AGBL1: variants seen among roughly 807,000 people sequenced by gnomAD.
AGBL1 encodes AGBL carboxypeptidase 1, also known as cytosolic carboxypeptidase 4.
AGBL1 carries 130 observed loss-of-function variants against 118.9 expected under a neutral mutation model. The ratio of observed to expected loss-of-function variants is 1.09; its 90% confidence interval spans 0.95 to 1.26. AGBL1 has a LOEUF of 1.26. Among genes scored for constraint, AGBL1 ranks in the 50% most tolerant of loss-of-function variants. The pLI is 0.00. For synonymous variants in AGBL1, 555 were observed against 478.9 expected, an observed-to-expected ratio of 1.16 and a Z score of -2.08; for missense variants, 1,584 against 1,298.1, an observed-to-expected ratio of 1.22 and a Z score of -3.38.
At chr15:86,424,729 G>A (rs1170084384) in intron 18 of AGBL1, among the ~76,000 whole-genome samples, 1 of 152,174 alleles carries the variant, frequency 6.6e-6, no homozygotes, top group African/African-American at 2.4e-5. Flanking sequence ...AGTGGGCAAA[G>A]GATGTGAATA....
chr15:86,732,734 C>G (rs2077542481), intron 22 of AGBL1, among the ~76,000 whole-genome samples: 2 of 151,938 alleles, frequency 1.3e-5, no homozygotes, highest in Non-Finnish European at 2.9e-5. Context: ...AGCTGTGTGA[C>G]TTAGGTAAGC....
chr15:86,689,022 C>T (rs1031538146), intron 22 of AGBL1, among the ~76,000 whole-genome samples: 5 of 152,114 alleles, frequency 3.3e-5, no homozygotes, highest in African/African-American at 1.2e-4. Flanking sequence ...GCGAATTACT[C>T]GTGTTCTAAT....
chr15:86,913,569 C>T lies in AGBL1; in HGVS notation c.*6275C>T, dbSNP rs1170070463. The T allele has an allele frequency of 5.9e-5, 9 of 152,208 alleles. No homozygotes were observed. Among genetic ancestry groups the T allele is most frequent in the Admixed American group, 5.2e-4 (8 of 15,266 alleles). 9.4% of individuals were successfully genotyped at this position (152,208 alleles called of 1,614,324 possible). ...AACAGAGGAGAGCACTGACTGTTTA[C>T]AAGGCTGAAGCAGGCAAGGCGTGGT... On this transcript the variant is annotated 3_prime_UTR_variant, in exon 23 of 23. Coordinates refer to ENST00000614907, the MANE Select transcript of AGBL1 (RefSeq NM_001386094.1).
At chr15:86,916,413 TTGTGTG>T (rs1232064173), downstream of AGBL1, among the ~76,000 whole-genome samples, 1 of 151,852 alleles carries the variant, frequency 6.6e-6, no homozygotes, top group Non-Finnish European at 1.5e-5. Context: ...GTCCTGGACT[TTGTGTG>T]TGTGTGTTTG....
intron 18 of AGBL1, among the ~76,000 whole-genome samples, chr15:86,472,906 A>C (rs1198461715): frequency 6.6e-6 from 1 of 152,206 alleles, no homozygotes; most frequent in Non-Finnish European, 1.5e-5. Context: ...ATGACAGAGC[A>C]AGATTTCCAT....
intron 17 of AGBL1, among the ~76,000 whole-genome samples, chr15:86,337,455 C>G (rs886890263): frequency 5.9e-5 from 9 of 152,152 alleles, no homozygotes; most frequent in Non-Finnish European, 5.9e-5. Context: ...GGAATCAACT[C>G]AAATGCCCAT....
chr15:86,981,825 C>A (rs746428192), intron 23 of AGBL1, among the ~76,000 whole-genome samples: 47 of 152,268 alleles, frequency 3.1e-4, no homozygotes, highest in Non-Finnish European at 5.1e-4. Context: ...TCTAAACCAT[C>A]AGCTTTGTAA....
chr15:86,323,300 G>C (rs1437591366), intron 17 of AGBL1, among the ~76,000 whole-genome samples: 1 of 151,884 alleles, frequency 6.6e-6, no homozygotes, highest in Non-Finnish European at 1.5e-5. Flanking sequence ...TAGGGTGGCT[G>C]TGGGGATCAG....
intron 6 of AGBL1, among the ~76,000 whole-genome samples, chr15:86,243,656 T>A (rs954075550): frequency 1.8e-4 from 28 of 152,126 alleles, no homozygotes; most frequent in African/African-American, 6.7e-4. Flanking sequence ...GAGGTGTTAA[T>A]ACGAAAGACC....
chr15:86,763,348 A>G (rs1460149999), intron 22 of AGBL1, among the ~76,000 whole-genome samples: 1 of 152,044 alleles, frequency 6.6e-6, no homozygotes. Context: ...TTTAACTCAC[A>G]AAGTGGCTGA....
chr15:86,867,158 T>A lies in AGBL1; in HGVS notation c.3159-39929T>A, dbSNP rs139140790. ...TGTCAGGACTTAAGCTTTATCCTTT[T>A]CTTGGGGGTGGGGGAATTGTATTTC... is the stretch of plus-strand genomic sequence containing the variant. On this transcript the variant is annotated intron_variant, in intron 22 of 22. Coordinates refer to ENST00000614907, the MANE Select transcript of AGBL1 (RefSeq NM_001386094.1). Among the ~76,000 whole-genome samples the A allele has an allele frequency of 1.3e-3, 201 of 152,242 alleles. 1 individual carries two copies. The highest frequency in any genetic ancestry group is 4.7e-3 in the African/African-American group (194 of 41,556).
Position 86,207,905 on chromosome 15 carries a change from A to G in AGBL1, c.489-17009A>G, listed in dbSNP as rs140511884. ...TGTCTTGTGCCACTTTTCAAAGGGAATGCTTCCAGTTTTTTGCCCATTCAG... is the reference window on the plus strand; with the variant it reads ...TGTCTTGTGCCACTTTTCAAAGGGAGTGCTTCCAGTTTTTTGCCCATTCAG... On this transcript the variant is annotated intron_variant, in intron 5 of 22. Transcript: ENST00000614907. Among the ~76,000 whole-genome samples, 1,317 of 152,254 alleles carry G rather than the reference A, an allele frequency of 8.7e-3. 16 individuals carry two copies. The highest frequency in any genetic ancestry group is 0.031 in the African/African-American group (1,275 of 41,538).
At chr15:86,720,784 CA>C (rs2086706563) in intron 22 of AGBL1, among the ~76,000 whole-genome samples, 1 of 152,070 alleles carries the variant, frequency 6.6e-6, no homozygotes, top group Non-Finnish European at 1.5e-5. Flanking sequence ...AAAGAAGAAC[CA>C]AATAGACACA....
intron 24 of AGBL1, among the ~76,000 whole-genome samples, chr15:87,009,496 A>G (rs374424564): frequency 2.6e-5 from 4 of 152,186 alleles, no homozygotes; most frequent in African/African-American, 9.7e-5. Flanking sequence ...TGTGGAAGAG[A>G]AATGTTGGAT....
intron 6 of AGBL1, among the ~76,000 whole-genome samples, chr15:86,237,088 C>G (rs963024907): frequency 3.9e-5 from 6 of 152,066 alleles, no homozygotes; most frequent in Non-Finnish European, 7.4e-5. Context: ...CTCTAAAAGC[C>G]GGGCCTTTCC....
At chr15:86,792,583 A>T (rs1037696480) in intron 22 of AGBL1, among the ~76,000 whole-genome samples, 5 of 152,250 alleles carry the variant, frequency 3.3e-5, no homozygotes, top group Non-Finnish European at 7.4e-5. Flanking sequence ...AGACTTTGAA[A>T]TCATTACCCA....
chr15:86,827,517 A>G (rs1487535509), intron 22 of AGBL1, among the ~76,000 whole-genome samples: 1 of 76,110 alleles, frequency 1.3e-5, no homozygotes, highest in African/African-American at 4.2e-5. Context: ...ATATATATAT[A>G]TATAGCCTGT....
At chr15:86,425,850 C>G (rs2081860357) in intron 18 of AGBL1, among the ~76,000 whole-genome samples, 2 of 152,116 alleles carry the variant, frequency 1.3e-5, no homozygotes, top group Non-Finnish European at 1.5e-5. Flanking sequence ...CTCTATGCTA[C>G]TCATCTGTAT....
chr15:86,110,574 A>G (rs1897318809), intron 1 of AGBL1, among the ~76,000 whole-genome samples: 1 of 152,102 alleles, frequency 6.6e-6, no homozygotes, highest in Non-Finnish European at 1.5e-5. Context: ...AAGAAAATCC[A>G]TGTATGAGTG....
Sources: allele counts gnomAD v4.1 joint callset (sites outside exome capture counted in the v4.1 genomes callset), GRCh38; gene constraint gnomAD v4.1.1; transcripts MANE v1.5; gene names NCBI Gene and HGNC (gene_info 2026-07-23, HGNC 2026-07-21).